Variants in CNTN5 observed in about 807,000 individuals in gnomAD.
CNTN5 encodes the protein contactin-5.
CNTN5 carries 77 observed loss-of-function variants against 129.1 expected under a neutral mutation model. That is an observed-to-expected ratio of 0.60 (90% CI 0.50 to 0.72). CNTN5 has a LOEUF of 0.72. CNTN5 is among the 30% of genes least tolerant of loss of function. CNTN5 has a pLI of 0.00. For synonymous variants in CNTN5, 509 were observed against 465.6 expected (o/e 1.09, Z -1.20); for missense variants, 1,478 against 1,328.8 (o/e 1.11, Z -1.75).
rs1013918846 is a variant in CNTN5 at position 99,702,964 on chromosome 11, A to G, written c.56-116580A>G. On this transcript the variant is annotated intron_variant, in intron 3 of 24. Coordinates refer to ENST00000524871, the MANE Select transcript of CNTN5 (RefSeq NM_014361.4). ...TGTGTTGAAACTTTCTTTCCCTTTT[A>G]AAATAAAGATACTTCGATACACTGA... Among the ~76,000 whole-genome samples the G allele has an allele frequency of 1.5e-4, 23 of 150,946 alleles. 1 individual carries two copies. The Admixed American group carries it at 1.5e-3, about 10-fold the overall frequency.
chr11:99,295,955 C>T (rs1330602281), intron 1 of CNTN5, among the ~76,000 whole-genome samples: 1 of 151,534 alleles, frequency 6.6e-6, no homozygotes, highest in Admixed American at 6.6e-5. Context: ...AGTTTCTCAC[C>T]TACATTGGGC....
At chr11:99,984,785 T>C (rs900362844) in intron 8 of CNTN5, among the ~76,000 whole-genome samples, 2 of 152,128 alleles carry the variant, frequency 1.3e-5, no homozygotes, top group Non-Finnish European at 2.9e-5. Context: ...ATGGGAAGAA[T>C]TTGAGGCAAA....
intron 21 of CNTN5, among the ~76,000 whole-genome samples, chr11:100,316,140 A>T (rs182705025): frequency 6.6e-6 from 1 of 152,326 alleles, no homozygotes; most frequent in East Asian, 1.9e-4. Context: ...GTGCATACAA[A>T]TTCAGAGAAG....
chr11:100,099,793 C>T lies in CNTN5; in HGVS notation c.1580+25499C>T, dbSNP rs143586942. 3.1e-3 allele frequency among the ~76,000 whole-genome samples: 474 copies of T among 152,010 alleles called. 3 individuals carry two copies. Among genetic ancestry groups the T allele is most frequent in the African/African-American group, 0.011 (449 of 41,478 alleles). On this transcript the variant is annotated intron_variant, in intron 13 of 24. Transcript: ENST00000524871. ...TGGGAGACTTGGCCCATATTTTGATCGCCATACTTAGTACATTGTTTCTAC... is the reference window on the plus strand; with the variant it reads ...TGGGAGACTTGGCCCATATTTTGATTGCCATACTTAGTACATTGTTTCTAC...
intron 2 of CNTN5, among the ~76,000 whole-genome samples, chr11:99,486,000 TG>T (rs1178843035): frequency 1.3e-5 from 2 of 152,098 alleles, no homozygotes; most frequent in Admixed American, 6.5e-5. Flanking sequence ...ATGAATCTTC[TG>T]GGCTCAGTTA....
intron 4 of CNTN5, among the ~76,000 whole-genome samples, chr11:99,843,642 A>G (rs989655709): frequency 2.6e-5 from 4 of 152,182 alleles, no homozygotes; most frequent in African/African-American, 9.7e-5. Flanking sequence ...AGCACATATA[A>G]CAATGTCTGG....
intron 18 of CNTN5, among the ~76,000 whole-genome samples, chr11:100,276,527 C>CAAAAA (rs56774234): frequency 1.4e-5 from 1 of 70,082 alleles, no homozygotes; most frequent in East Asian, 4.4e-4. Context: ...GAGACTCTCT[C>CAAAAA]AAAAAAAAAA....
chr11:99,138,972 A>T (rs1198996077), intron 1 of CNTN5, among the ~76,000 whole-genome samples: 1 of 152,152 alleles, frequency 6.6e-6, no homozygotes, highest in Non-Finnish European at 1.5e-5. Flanking sequence ...TGGGTGCAGT[A>T]GCTCACTCCT....
intron 17 of CNTN5, among the ~76,000 whole-genome samples, chr11:100,260,324 G>A (rs1390428245): frequency 6.6e-6 from 1 of 152,130 alleles, no homozygotes. Context: ...ACCAAAAGAA[G>A]CCCAGGACCA....
chr11:100,195,577 C>T (rs1276802713), intron 15 of CNTN5, among the ~76,000 whole-genome samples: 2 of 149,994 alleles, frequency 1.3e-5, no homozygotes, highest in Non-Finnish European at 3.0e-5. Context: ...GGATTAGAGA[C>T]AGTAACAATA....
chr11:99,600,023 A>T (rs898374000), intron 3 of CNTN5, among the ~76,000 whole-genome samples: 1 of 152,152 alleles, frequency 6.6e-6, no homozygotes, highest in Non-Finnish European at 1.5e-5. Flanking sequence ...TGATACGAGG[A>T]TGAAGAGAAA....
At chr11:99,522,433 A>G (rs552690208) in intron 2 of CNTN5, among the ~76,000 whole-genome samples, 3 of 152,204 alleles carry the variant, frequency 2.0e-5, no homozygotes, top group South Asian at 2.1e-4. Context: ...ATTTTTTTCA[A>G]ATATGCAAAG....
At chr11:100,274,435 A>C (rs1307805093) in intron 18 of CNTN5, among the ~76,000 whole-genome samples, 1 of 152,226 alleles carries the variant, frequency 6.6e-6, no homozygotes, top group East Asian at 1.9e-4. Context: ...GTAAACAGAT[A>C]ACCCACAGAA....
intron 3 of CNTN5, among the ~76,000 whole-genome samples, chr11:99,696,382 A>G (rs143869244): frequency 6.6e-6 from 1 of 152,202 alleles, no homozygotes; most frequent in Admixed American, 6.6e-5. Context: ...TTGACAGAGT[A>G]TGATGAGATA....
chr11:99,110,420 G>A (rs1857734427), intron 1 of CNTN5, among the ~76,000 whole-genome samples: 1 of 152,062 alleles, frequency 6.6e-6, no homozygotes, highest in African/African-American at 2.4e-5. Context: ...TCCTTTAAAA[G>A]CATGCTATAT....
At chr11:99,272,297 T>A (rs987000154) in intron 1 of CNTN5, among the ~76,000 whole-genome samples, 8 of 149,286 alleles carry the variant, frequency 5.4e-5, no homozygotes, top group African/African-American at 2.0e-4. Flanking sequence ...GAGTAAGCAG[T>A]CTTTTTTTTT....
intron 18 of CNTN5, among the ~76,000 whole-genome samples, chr11:100,285,029 C>G (rs1421007320): frequency 6.6e-6 from 1 of 152,152 alleles, no homozygotes; most frequent in East Asian, 1.9e-4. Flanking sequence ...CAACCTACTC[C>G]TTTTGACCAT....
chr11:99,124,839 T>A (rs1366864482), intron 1 of CNTN5, among the ~76,000 whole-genome samples: 3 of 151,858 alleles, frequency 2.0e-5, no homozygotes, highest in African/African-American at 2.4e-5. Context: ...ATAAACAAGT[T>A]TTTGAACACA....
intron 6 of CNTN5, among the ~76,000 whole-genome samples, chr11:99,915,023 A>C (rs532647964): frequency 6.6e-6 from 1 of 152,206 alleles, no homozygotes; most frequent in African/African-American, 2.4e-5. Context: ...TTTAGCATGA[A>C]ATAATTAAAA....
Sources: allele counts gnomAD v4.1 joint callset (sites outside exome capture counted in the v4.1 genomes callset), GRCh38; gene constraint gnomAD v4.1.1; transcripts MANE v1.5; gene names NCBI Gene and HGNC (gene_info 2026-07-23, HGNC 2026-07-21).